NRBP2: variants seen among roughly 807,000 people sequenced by gnomAD.
NRBP2 encodes the protein nuclear receptor-binding protein 2.
Under a neutral mutation model 74.4 loss-of-function variants are expected in NRBP2, and 47 were observed. The ratio of observed to expected loss-of-function variants is 0.63; its 90% CI spans 0.50 to 0.81. The LOEUF (loss-of-function observed/expected upper bound fraction) is 0.81. NRBP2 is among the 30% of genes least tolerant of loss of function. The probability of loss-of-function intolerance (pLI) is 0.00; values close to 1 mark genes in which losing one functional copy is unlikely to be tolerated. For synonymous variants in NRBP2, 312 were observed against 273.8 expected (o/e 1.14, Z -1.38); for missense variants, 613 against 690.1 (o/e 0.89, Z 1.25).
Position 143,840,783 on chromosome 8 carries a change from G to T in NRBP2, c.52C>A (p.Arg18=). 6.6e-7 allele frequency: 1 copy of T among 1,504,270 alleles called. No individual in the cohort carries two copies. The highest frequency in any genetic ancestry group is 8.8e-7 in the Non-Finnish European group (1 of 1,132,434). 93.2% of individuals were successfully genotyped at this position (1,504,270 alleles called of 1,614,324 possible). The change falls in exon 1 of 18, where the codon CGG becomes AGG. Residue 18 remains arginine, a synonymous_variant. Transcript: ENST00000442628. The surrounding 1 kb of genome is among the most constrained non-coding windows in gnomAD (Gnocchi z 5.7). ...CTCTCGTCCTCGCTCTCGTCCTCCC[G>T]CTCCCGCTCCCGTTCCCGGGCCCGC... ...PRRARERERE[R]EDESEDESDI...
At chr8:143,831,727 CCAAA>C (rs1373090280), downstream of NRBP2, among the ~76,000 whole-genome samples, 27 of 152,272 alleles carry the variant, frequency 1.8e-4, no homozygotes, top group Admixed American at 1.1e-3. Context: ...TTTCCTAGAA[CCAAA>C]CAGTCATGTT....
chr8:143,837,337 G>C lies in NRBP2; in HGVS notation c.1077-38C>G, dbSNP rs1554652125. On this transcript the variant is annotated intron_variant, in intron 12 of 17. Transcript: ENST00000442628. The surrounding 1 kb of genome is among the most constrained non-coding windows in gnomAD (Gnocchi z 4.3). Reference sequence around the variant, plus strand: ...TGGGAGGCACATGAGGGGCTGGCCGGGGCGAGGGGAGGGGAGGTGCGGGGA... The same window carrying C: ...TGGGAGGCACATGAGGGGCTGGCCGCGGCGAGGGGAGGGGAGGTGCGGGGA... The C allele has an allele frequency of 1.3e-6, 2 of 1,596,046 alleles. No homozygotes were observed. Among genetic ancestry groups the C allele is most frequent in the African/African-American group, 1.3e-5 (1 of 74,714 alleles).
intron 10 of NRBP2, chr8:143,838,002 T>A: frequency 1.4e-6 from 1 of 696,288 alleles, no homozygotes; most frequent in Non-Finnish European, 2.6e-6. Context: ...CAAAAAATCG[T>A]GGGGAGAAGC....
chr8:143,840,175 C>T lies in NRBP2; in HGVS notation c.184G>A (p.Glu62Lys). 2.6e-6 allele frequency: 4 copies of T among 1,536,182 alleles called. No homozygotes were observed. Among genetic ancestry groups the T allele is most frequent in the Non-Finnish European group, 3.5e-6 (4 of 1,146,922 alleles). Residue 62 changes from glutamate (E) to lysine (K), a missense_variant, in exon 2 of 18, where the codon GAG (glutamate) becomes AAG (lysine). By Grantham distance (56) the Glu-to-Lys change is moderately conservative (BLOSUM62 1). This residue lies in a region of NRBP2 where 332 missense variants were observed against 429.2 expected (regional missense o/e 0.77). Transcript: ENST00000442628. The surrounding 1 kb of genome is among the most constrained non-coding windows in gnomAD (Gnocchi z 5.7). ...LQSTFLAMDT[E>K]EGVEVVWNEL... ...TTCCACACCACCTCTACCCCCTCCT[C>T]CGTGTCCATGGCTAGGAAGGTGCTC...
chr8:143,836,348 G>C (rs542692781), intron 14 of NRBP2, among the ~76,000 whole-genome samples, 168 bp from the exon 15 acceptor site: 1 of 152,094 alleles, frequency 6.6e-6, no homozygotes, highest in Non-Finnish European at 1.5e-5. Context: ...GAGAAGAGTC[G>C]ACATTAGGGG....
At position 143,839,392 on chromosome 8, in the gene NRBP2, T is replaced by A. The variant is rs1554652963; in HGVS notation, c.502A>T (p.Ser168Cys). 6.3e-7 allele frequency: 1 copy of A among 1,578,422 alleles called. No individual in the cohort carries two copies. The highest frequency in any genetic ancestry group is 1.7e-5 in the Admixed American group (1 of 57,392). The change falls in exon 6 of 18, where the codon AGC becomes TGC. Residue 168 changes from serine (S) to cysteine (C), a missense_variant. Coordinates refer to ENST00000442628, the MANE Select transcript of NRBP2 (RefSeq NM_178564.4). The surrounding 1 kb of genome is among the most constrained non-coding windows in gnomAD (Gnocchi z 5.1). The stretch of plus-strand genomic sequence containing the variant: ...AGGTTCCCGTGGATGATTGGGGGGC[T>A]GCAGGCGTGCAGGAAGCTGCAGACG... ...LSALSFLHAC[S>C]PPIIHGNLTS...
chr8:143,840,931 A>G lies in NRBP2; in HGVS notation c.-97T>C. ...CCTCGCGCCCAGCAGCCCAGCCTAG[A>G]GCCGCCGCGGCAGCCTAGAGCCCCA... On this transcript the variant is annotated 5_prime_UTR_variant, in exon 1 of 18. Transcript: ENST00000442628. The surrounding 1 kb of genome is among the most constrained non-coding windows in gnomAD (Gnocchi z 5.7). 1.7e-6 allele frequency: 2 copies of G among 1,173,184 alleles called. No homozygotes were observed. The highest frequency in any genetic ancestry group is 2.1e-6 in the Non-Finnish European group (2 of 952,528). The allele number at this position is 1,173,184 out of a possible 1,614,324, so 72.7% of individuals were successfully genotyped here.
In NRBP2 at chr8:143,839,205, G is replaced by A; in HGVS notation, c.581-10C>T. On this transcript the variant is annotated splice_polypyrimidine_tract_variant and intron_variant, in intron 6 of 17. Transcript: ENST00000442628. This position sits in a 1 kb window ranked among gnomAD's most constrained non-coding sequence, Gnocchi z 5.1. ...AAGATTCGGTGCCACACTGCCAAGG[G>A]GCGGGAGAAAGAGTGGAGTTAGCTG... 1 of 1,531,464 alleles carries A rather than the reference G, an allele frequency of 6.5e-7. No homozygotes were observed. Among genetic ancestry groups the A allele is most frequent in the South Asian group, 1.2e-5 (1 of 83,672 alleles). The allele number at this position is 1,531,464 out of a possible 1,614,324, so 94.9% of individuals were successfully genotyped here. A position where few individuals can be genotyped will look rare whatever the true frequency, so the allele number is the denominator to read the frequency against.
chr8:143,838,824 G>A, intron 9 of NRBP2, 49 bp from the exon 10 acceptor site: 1 of 1,611,384 alleles, frequency 6.2e-7, no homozygotes, highest in Non-Finnish European at 8.5e-7. Context: ...ACACAGGTGA[G>A]CCAGGCAGGG....
chr8:143,837,680 G>A lies in NRBP2; in HGVS notation c.916C>T (p.Leu306Phe), dbSNP rs55807257. 3,103 of 1,582,470 alleles carry A rather than the reference G, an allele frequency of 2.0e-3. 8 individuals are homozygous for A. The highest frequency in any genetic ancestry group is 2.1e-3 in the Non-Finnish European group (2,448 of 1,164,044). ...SAHSLLFHRV[L>F]FEVHSLKLLA... ...AGCTTCAGCGAGTGCACCTCGAAGA[G>A]CACGCGGTGGAAGAGGAGGCTGTGG... Residue 306 changes from leucine (L) to phenylalanine (F), a missense_variant, in exon 11 of 18, where the codon CTC becomes TTC. By Grantham distance (22) the Leu-to-Phe change is conservative. Around this residue, in one of 2 missense-constraint regions of NRBP2, gnomAD observed 332 missense variants for 429.2 expected, o/e 0.77. Coordinates refer to ENST00000442628, the MANE Select transcript of NRBP2 (RefSeq NM_178564.4). The surrounding 1 kb of genome is among the most constrained non-coding windows in gnomAD (Gnocchi z 4.3).
chr8:143,831,556 G>C (rs1026185759), downstream of NRBP2, among the ~76,000 whole-genome samples: 1 of 152,222 alleles, frequency 6.6e-6, no homozygotes, highest in Non-Finnish European at 1.5e-5. Context: ...AGAAGGTGGA[G>C]GTTGCAGTGC....
chr8:143,837,400 T>C lies in NRBP2; in HGVS notation c.1076+7A>G, dbSNP rs938754406. On this transcript the variant is annotated splice_region_variant and intron_variant, in intron 12 of 17. Transcript: ENST00000442628. This position sits in a 1 kb window ranked among gnomAD's most constrained non-coding sequence, Gnocchi z 4.3. ...GGAGGGGAGGCTTCTGGGTGCTGAC[T>C]GCTCACCGCCACTGCAGCGGGGGCC... is the stretch of plus-strand genomic sequence containing the variant. 6.3e-7 allele frequency: 1 copy of C among 1,586,908 alleles called. No homozygotes were observed.
In NRBP2 at chr8:143,840,677, T is replaced by C. The variant is rs1554653500; in HGVS notation, c.129+29A>G. 2.8e-6 allele frequency: 4 copies of C among 1,448,802 alleles called. No individual in the cohort carries two copies. Among genetic ancestry groups the C allele is most frequent in the Non-Finnish European group, 3.6e-6 (4 of 1,099,606 alleles). 89.7% of individuals were successfully genotyped at this position (1,448,802 alleles called of 1,614,324 possible). The stretch of plus-strand genomic sequence containing the variant: ...CCCCTCCCGCTCTGGGAGGGCGGTG[T>C]CACCCCGTGCCCCAACCCCCGCGCC... On this transcript the variant is annotated intron_variant, in intron 1 of 17. Coordinates refer to ENST00000442628, the MANE Select transcript of NRBP2 (RefSeq NM_178564.4). This position sits in a 1 kb window ranked among gnomAD's most constrained non-coding sequence, Gnocchi z 5.7.
Position 143,840,483 on chromosome 8 carries a change from G to A in NRBP2, c.129+223C>T. On this transcript the variant is annotated intron_variant, in intron 1 of 17. Coordinates refer to ENST00000442628, the MANE Select transcript of NRBP2 (RefSeq NM_178564.4). This position sits in a 1 kb window ranked among gnomAD's most constrained non-coding sequence, Gnocchi z 5.7. ...CCCAGGAAGCTAGCGGCTGAGTCCAGAGGCATGGGGAGGTGGTCCTGGGAG... is the reference window on the plus strand; with the variant it reads ...CCCAGGAAGCTAGCGGCTGAGTCCAAAGGCATGGGGAGGTGGTCCTGGGAG... 2 of 655,348 alleles carry A rather than the reference G, an allele frequency of 3.1e-6. No individual in the cohort carries two copies. Among genetic ancestry groups the A allele is most frequent in the South Asian group, 2.0e-5 (1 of 49,708 alleles). The allele number at this position is 655,348 out of a possible 1,614,324, so 40.6% of individuals were successfully genotyped here.
In NRBP2 at chr8:143,837,088, T is replaced by A. The variant is rs569719003; in HGVS notation, c.1214A>T (p.Gln405Leu). 1 of 1,611,708 alleles carries A rather than the reference T, an allele frequency of 6.2e-7. No homozygotes were observed. Among genetic ancestry groups the A allele is most frequent in the South Asian group, 1.1e-5 (1 of 90,954 alleles). ...RVLAPPPEEV[Q>L]KAKTPTPEPF... ...CTCTGGCGTCGGGGTCTTGGCCTTT[T>A]GGACCTCCTCCGGGGGTGGGGCCAG... is the stretch of plus-strand genomic sequence containing the variant. Residue 405 changes from glutamine (Q) to leucine (L), a missense_variant, in exon 14 of 18, where the codon CAA becomes CTA. By Grantham distance (113) the Gln-to-Leu change is moderately radical. Around this residue, in one of 2 missense-constraint regions of NRBP2, gnomAD observed 281 missense variants for 260.9 expected, o/e 1.08. Coordinates refer to ENST00000442628, the MANE Select transcript of NRBP2 (RefSeq NM_178564.4). This position sits in a 1 kb window ranked among gnomAD's most constrained non-coding sequence, Gnocchi z 4.3.
rs1818654810 is a variant in NRBP2, at chr8:143,840,673, G to A, written c.129+33C>T. ...CAGGCCCCTCCCGCTCTGGGAGGGC[G>A]GTGTCACCCCGTGCCCCAACCCCCG... is the stretch of plus-strand genomic sequence containing the variant. On this transcript the variant is annotated intron_variant, in intron 1 of 17. Coordinates refer to ENST00000442628, the MANE Select transcript of NRBP2 (RefSeq NM_178564.4). This position sits in a 1 kb window ranked among gnomAD's most constrained non-coding sequence, Gnocchi z 5.7. The A allele has an allele frequency of 6.3e-6, 9 of 1,433,242 alleles. No individual in the cohort carries two copies. Among genetic ancestry groups the A allele is most frequent in the Non-Finnish European group, 8.3e-6 (9 of 1,090,466 alleles). The allele number at this position is 1,433,242 out of a possible 1,614,324, so 88.8% of individuals were successfully genotyped here. A position where few individuals can be genotyped will look rare whatever the true frequency, so the allele number is the denominator to read the frequency against.
In NRBP2 at chr8:143,840,884, A is replaced by T; in HGVS notation, c.-50T>A. The T allele has an allele frequency of 3.1e-6, 4 of 1,273,076 alleles. No individual in the cohort carries two copies. Among genetic ancestry groups the T allele is most frequent in the Non-Finnish European group, 3.9e-6 (4 of 1,016,628 alleles). 78.9% of individuals were successfully genotyped at this position (1,273,076 alleles called of 1,614,324 possible). A position where few individuals can be genotyped will look rare whatever the true frequency, so the allele number is the denominator to read the frequency against. The stretch of plus-strand genomic sequence containing the variant: ...CCTCTGCGCGATCCGCCGCCGGCGC[A>T]GCCTCTCCCGGCCCGCCCTGGCCTC... On this transcript the variant is annotated 5_prime_UTR_variant, in exon 1 of 18. Coordinates refer to ENST00000442628, the MANE Select transcript of NRBP2 (RefSeq NM_178564.4). The surrounding 1 kb of genome is among the most constrained non-coding windows in gnomAD (Gnocchi z 5.7).
At position 143,837,230 on chromosome 8, in the gene NRBP2, A is replaced by G. The variant is rs782805933; in HGVS notation, c.1127+19T>C. On this transcript the variant is annotated intron_variant, in intron 13 of 17. Coordinates refer to ENST00000442628, the MANE Select transcript of NRBP2 (RefSeq NM_178564.4). The surrounding 1 kb of genome is among the most constrained non-coding windows in gnomAD (Gnocchi z 4.3). Reference sequence around the variant, plus strand: ...AGGCCTGACAGCTGCCTGGCCCCCAACCTTACATCAGTTCTCACCTGACAT... The same window carrying G: ...AGGCCTGACAGCTGCCTGGCCCCCAGCCTTACATCAGTTCTCACCTGACAT... The G allele has an allele frequency of 1.2e-6, 2 of 1,613,808 alleles. No homozygotes were observed. Among genetic ancestry groups the G allele is most frequent in the Non-Finnish European group, 1.7e-6 (2 of 1,179,960 alleles).
In NRBP2 at chr8:143,839,303, C is replaced by T. The variant is rs781990042; in HGVS notation, c.580+11G>A. 27 of 1,550,202 alleles carry T rather than the reference C, an allele frequency of 1.7e-5. No individual in the cohort carries two copies. Among genetic ancestry groups the T allele is most frequent in the Non-Finnish European group, 2.3e-5 (27 of 1,155,132 alleles). ...GCCCCGTTCCCCCACCCAGCCCTGC[C>T]CCGCCAGCACCGGAGCCGATCTTGA... On this transcript the variant is annotated intron_variant, in intron 6 of 17. Coordinates refer to ENST00000442628, the MANE Select transcript of NRBP2 (RefSeq NM_178564.4). The surrounding 1 kb of genome is among the most constrained non-coding windows in gnomAD (Gnocchi z 5.1).
Sources: allele counts gnomAD v4.1 joint callset (sites outside exome capture counted in the v4.1 genomes callset), GRCh38; gene constraint gnomAD v4.1.1; regional missense constraint gnomAD v4.1.1; non-coding constraint Gnocchi (gnomAD v3.1); transcripts MANE v1.5; gene names NCBI Gene and HGNC (gene_info 2026-07-23, HGNC 2026-07-21).